COL4A4: variants seen among roughly 807,000 people sequenced by gnomAD.
COL4A4 encodes collagen alpha-4(IV) chain.
Under a neutral mutation model 192.9 loss-of-function variants are expected in COL4A4, and 105 were observed. The ratio of observed to expected loss-of-function variants is 0.54; its 90% confidence interval spans 0.46 to 0.64. COL4A4 has a LOEUF of 0.64. Among genes scored for constraint, COL4A4 ranks in the 30% least tolerant of loss-of-function variants. COL4A4 has a pLI of 0.00. For synonymous variants in COL4A4, 762 were observed against 769.9 expected, an observed-to-expected ratio of 0.99 and a Z score of 0.17; for missense variants, 1,967 against 2,169.3, an observed-to-expected ratio of 0.91 and a Z score of 1.85.
intron 1 of COL4A4, among the ~76,000 whole-genome samples, chr2:227,160,942 A>G (rs2064780237): frequency 6.6e-6 from 1 of 152,222 alleles, no homozygotes; most frequent in Non-Finnish European, 1.5e-5. Context: ...GAAAGTTCTT[A>G]AAAGGAAAAG....
chr2:227,090,090 G>A, intron 20 of COL4A4, 133 bp from the exon 21 acceptor site: 1 of 646,108 alleles, frequency 1.5e-6, no homozygotes, highest in East Asian at 2.7e-5. Context: ...TTGCGCCCTT[G>A]TTTTCCTAGG....
chr2:227,051,646 C>T (rs1476837528), intron 32 of COL4A4, among the ~76,000 whole-genome samples: 1 of 152,180 alleles, frequency 6.6e-6, no homozygotes, highest in Non-Finnish European at 1.5e-5. Context: ...TCAGAATCTG[C>T]ATTTTAACAA....
intron 1 of COL4A4, among the ~76,000 whole-genome samples, chr2:227,161,523 C>A (rs115706836): frequency 1.9e-3 from 294 of 152,250 alleles, no homozygotes; most frequent in African/African-American, 6.7e-3. Context: ...AACAATCAAG[C>A]CTTCCAGTTA....
chr2:227,053,084 C>CT (rs60307893), intron 31 of COL4A4, among the ~76,000 whole-genome samples: 67 of 146,384 alleles, frequency 4.6e-4, no homozygotes, highest in Admixed American at 6.9e-4. Context: ...AACCACGGTG[C>CT]TTTTTTTTTT....
At chr2:226,995,832 GA>G in the COL4A4 span, 1 of 335,930 alleles carries the variant, frequency 3.0e-6, no homozygotes, top group Non-Finnish European at 5.4e-6. Flanking sequence ...TGCTTTTGAA[GA>G]CTGTGACCTT....
chr2:227,071,685 T>A (rs1203678705), intron 25 of COL4A4, among the ~76,000 whole-genome samples: 1 of 152,088 alleles, frequency 6.6e-6, no homozygotes, highest in East Asian at 1.9e-4. Flanking sequence ...AAAACTGAAA[T>A]TGTATCAAGT....
chr2:227,023,377 A>G (rs1213902505), intron 43 of COL4A4, among the ~76,000 whole-genome samples: 2 of 148,416 alleles, frequency 1.3e-5, no homozygotes, highest in Non-Finnish European at 3.0e-5. Flanking sequence ...CAGGAGACAG[A>G]GGTTGCATGA....
chr2:227,073,310 TA>T (rs1370962519), intron 25 of COL4A4, among the ~76,000 whole-genome samples: 3 of 151,744 alleles, frequency 2.0e-5, no homozygotes, highest in Non-Finnish European at 4.4e-5. Flanking sequence ...CTGTGAAAAC[TA>T]AAATAAAATA....
In COL4A4 at chr2:227,099,663, T is replaced by G. The variant is rs1183113564; in HGVS notation, c.1056A>C (p.Pro352=). 6.2e-7 allele frequency: 1 copy of G among 1,614,218 alleles called. No individual in the cohort carries two copies. ...GAGTCACCAAAACACCTGGTGGTCC[T>G]GGGTGCCCTCGATTTCCAGGATCCC... ...PKGDPGNRGH[P]GPPGVLVTPP... is the part of the protein sequence containing the mutation. Residue 352 remains proline (P), a synonymous_variant, in exon 18 of 48, where the codon CCA becomes CCC. Transcript: ENST00000396625.
At chr2:227,068,105 C>CT (rs1375646280) in intron 25 of COL4A4, among the ~76,000 whole-genome samples, 4 of 146,050 alleles carry the variant, frequency 2.7e-5, no homozygotes, top group Admixed American at 6.9e-5. Flanking sequence ...CGCAAATAAA[C>CT]TAGAAAATCT....
At chr2:227,104,877 G>A (rs1348614437) in intron 12 of COL4A4, among the ~76,000 whole-genome samples, 4 of 151,356 alleles carry the variant, frequency 2.6e-5, no homozygotes, top group Non-Finnish European at 4.4e-5. Flanking sequence ...CGGACCTCAG[G>A]TGATCCGCCC....
At chr2:227,119,979 T>A in intron 5 of COL4A4, 40 bp from the exon 6 acceptor site, 1 of 1,414,532 alleles carries the variant, frequency 7.1e-7, no homozygotes, top group Admixed American at 1.9e-5. Context: ...TAAAAATTAT[T>A]AAATTAATAA....
chr2:227,041,034 G>A (rs544582489), intron 37 of COL4A4, among the ~76,000 whole-genome samples: 1 of 152,092 alleles, frequency 6.6e-6, no homozygotes, highest in East Asian at 1.9e-4. Context: ...TACAGACCAA[G>A]AAATTCAACC....
At chr2:226,990,095 A>C in the COL4A4 span, among the ~76,000 whole-genome samples, 1 of 152,356 alleles carries the variant, frequency 6.6e-6, no homozygotes, top group Admixed American at 6.5e-5. Flanking sequence ...CACTATTTAT[A>C]AAGAGAGAAT....
intron 7 of COL4A4, among the ~76,000 whole-genome samples, 155 bp from the exon 8 acceptor site, chr2:227,114,851 A>G (rs1376695446): frequency 6.6e-6 from 1 of 152,124 alleles, no homozygotes; most frequent in East Asian, 1.9e-4. Flanking sequence ...TATTATTATC[A>G]CCCTAAGGTT....
At chr2:226,988,360 A>T in the COL4A4 span, 2 of 1,550,238 alleles carry the variant, frequency 1.3e-6, no homozygotes, top group Non-Finnish European at 1.7e-6. Context: ...AGACAATGGC[A>T]AGTCTCCTGG....
intron 27 of COL4A4, 35 bp downstream of exon 27, chr2:227,060,101 G>GAAACAAAA: frequency 2.0e-6 from 1 of 503,760 alleles, no homozygotes; most frequent in Non-Finnish European, 3.1e-6. Flanking sequence ...TCCCAAAGCA[G>GAAACAAAA]AAAAAAAAAA....
In COL4A4 at chr2:227,103,148, C is replaced by A. The variant is rs201724183; in HGVS notation, c.866G>T (p.Arg289Leu). 1 of 1,609,634 alleles carries A rather than the reference C, an allele frequency of 6.2e-7. No homozygotes were observed. The highest frequency in any genetic ancestry group is 1.3e-5 in the African/African-American group (1 of 74,682). The change falls in exon 14 of 48, where the codon CGC becomes CTC. Residue 289 changes from arginine (R) to leucine (L), a missense_variant. Arg to Leu is a moderately radical substitution (Grantham distance 102). Transcript: ENST00000396625. ...GMVGLPGPPG[R>L]KGESGIGAKG... ...AAAGGTACTTAAATAAACTACCTTG[C>A]GTCCTGGTGGTCCTGGCAGTCCAAC...
At chr2:227,045,846 A>G (rs1559487956) in intron 35 of COL4A4, among the ~76,000 whole-genome samples, 2 of 67,288 alleles carry the variant, frequency 3.0e-5, no homozygotes, top group African/African-American at 6.8e-5. Context: ...ACATATATAT[A>G]TACACATATA....
Sources: gnomAD v4.1 joint callset for allele counts (sites outside exome capture counted in the v4.1 genomes callset) on GRCh38, gnomAD v4.1.1 for gene constraint, MANE v1.5 for transcripts, NCBI Gene and HGNC (gene_info 2026-07-23, HGNC 2026-07-21) for gene names.